The following VLDLR variants were observed in gnomAD, a reference collection of about 807,000 sequenced individuals.
VLDLR encodes the protein very low density lipoprotein receptor, also known as very low-density lipoprotein receptor.
In VLDLR, 81 loss-of-function variants were observed where a neutral mutation model predicts 112.7. That is an observed-to-expected ratio of 0.72 (90% CI 0.60 to 0.86). VLDLR has a LOEUF of 0.86. Ranked by LOEUF, VLDLR falls within the 40% of genes least tolerant of loss-of-function variation. The pLI, the probability that VLDLR is intolerant of heterozygous loss-of-function variation, is 0.00. For missense variants in VLDLR, 1,237 were observed against 1,099.4 expected (o/e 1.13, Z -1.77); for synonymous variants, 436 against 384.8 (o/e 1.13, Z -1.56).
intron 17 of VLDLR, 72 bp from the exon 18 acceptor site, chr9:2,652,708 G>C: frequency 6.3e-7 from 1 of 1,591,912 alleles, no homozygotes; most frequent in Admixed American, 1.7e-5. Flanking sequence ...ATGGATTCCT[G>C]AACGTTATTA....
intron 1 of VLDLR, among the ~76,000 whole-genome samples, chr9:2,624,820 G>A (rs763788150): frequency 2.0e-5 from 3 of 152,176 alleles, no homozygotes; most frequent in African/African-American, 2.4e-5. Flanking sequence ...CAGGGACTGC[G>A]TAAAGGAAGG....
At chr9:2,632,516 A>G (rs147126593) in intron 1 of VLDLR, among the ~76,000 whole-genome samples, 64 of 152,294 alleles carry the variant, frequency 4.2e-4, no homozygotes, top group Middle Eastern at 3.4e-3. Context: ...AAAGTATAAT[A>G]CTGAATTTGA....
rs1023079241 is a variant in VLDLR at position 2,655,095 on chromosome 9, T to C, written c.*1227T>C. ...TGGGGGCGAGGGCTGAAACCTGCTT[T>C]CATAAGCCCTTCAGGCGATACTGAT... On this transcript the variant is annotated 3_prime_UTR_variant, in exon 19 of 19. Coordinates refer to ENST00000382100, the MANE Select transcript of VLDLR (RefSeq NM_003383.5). 3.9e-5 allele frequency: 6 copies of C among 152,204 alleles called. No individual in the cohort carries two copies. Among genetic ancestry groups the C allele is most frequent in the African/African-American group, 7.2e-5 (3 of 41,442 alleles). 9.4% of individuals were successfully genotyped at this position (152,204 alleles called of 1,614,324 possible).
intron 2 of VLDLR, among the ~76,000 whole-genome samples, chr9:2,636,388 C>A (rs1817600674): frequency 6.6e-6 from 1 of 152,172 alleles, no homozygotes; most frequent in South Asian, 2.1e-4. Flanking sequence ...GTTCACTATA[C>A]AAGGTAGAAA....
chr9:2,631,384 C>T (rs1817343308), intron 1 of VLDLR, among the ~76,000 whole-genome samples: 2 of 152,256 alleles, frequency 1.3e-5, no homozygotes, highest in Admixed American at 1.3e-4. Context: ...CAGCACTATT[C>T]ACAGTAACAA....
intron 1 of VLDLR, among the ~76,000 whole-genome samples, chr9:2,632,046 G>A (rs532182033): frequency 8.5e-5 from 13 of 152,096 alleles, no homozygotes; most frequent in Non-Finnish European, 1.8e-4. Flanking sequence ...GACGCTCCAG[G>A]AATTCATTCA....
chr9:2,643,840 A>G lies in VLDLR; in HGVS notation c.947A>G (p.Asn316Ser), dbSNP rs768279118. ...TCTTCTTTGTTTCTCTTTGTAGTCA[A>G]TCAGTGCTTGGGCCCTGGAAAATTC... ...GSDEVNCKNV[N>S]QCLGPGKFKC... Residue 316 changes from asparagine (N) to serine (S), a missense_variant, in exon 7 of 19, where the codon AAT becomes AGT. Coordinates refer to ENST00000382100, the MANE Select transcript of VLDLR (RefSeq NM_003383.5). 68 of 1,614,088 alleles carry G rather than the reference A, an allele frequency of 4.2e-5. 1 individual carries two copies. The Admixed American group carries it at 8.7e-4, about 21-fold the overall frequency.
At chr9:2,633,707 T>C (rs1368913526) in intron 1 of VLDLR, among the ~76,000 whole-genome samples, 1 of 152,182 alleles carries the variant, frequency 6.6e-6, no homozygotes, top group African/African-American at 2.4e-5. Context: ...GTTCTCAGAC[T>C]ACAAATCATT....
At position 2,644,737 on chromosome 9, in the gene VLDLR, T is replaced by C; in HGVS notation, c.1070T>C (p.Ile357Thr). Residue 357 changes from isoleucine (I) to threonine (T), a missense_variant, in exon 8 of 19, where the codon ATA becomes ACA. Coordinates refer to ENST00000382100, the MANE Select transcript of VLDLR (RefSeq NM_003383.5). ...GACTACTACATTTTTATTCCAGATA[T>C]AAACGAATGCTTGGTAAATAATGGT... Reference protein sequence around the residue: ...WSDEPLKECHINECLVNNGGC... With the variant: ...WSDEPLKECHTNECLVNNGGC... 6.2e-7 allele frequency: 1 copy of C among 1,614,154 alleles called. No individual in the cohort carries two copies. Among genetic ancestry groups the C allele is most frequent in the Non-Finnish European group, 8.5e-7 (1 of 1,180,034 alleles).
At position 2,630,162 on chromosome 9, in the gene VLDLR, T is replaced by G. The variant is rs936380424; in HGVS notation, c.83-5291T>G. Among the ~76,000 whole-genome samples the G allele has an allele frequency of 5.9e-5, 9 of 152,256 alleles. No homozygotes were observed. In the East Asian group the frequency reaches 1.7e-3, roughly 30 times the overall value. On this transcript the variant is annotated intron_variant, in intron 1 of 18. Transcript: ENST00000382100. ...GAGCACAATCTTTGTGCTTGACAGC[T>G]CAGAACATTTCCCTTAACACCTGTT...
At position 2,643,251 on chromosome 9, in the gene VLDLR, C is replaced by T. The variant is rs367872112; in HGVS notation, c.540C>T (p.Ser180=). The T allele has an allele frequency of 9.7e-5, 157 of 1,613,942 alleles. 2 individuals carry two copies. The highest frequency in any genetic ancestry group is 3.3e-4 in the Middle Eastern group (2 of 6,084). The part of the protein sequence containing the change: ...NFVCNGQDDC[S]DGSDELDCAP... ...TATGCAATGGCCAGGATGACTGCAG[C>T]GATGGCAGTGATGAGCTGGACTGTG... Residue 180 remains serine (S), a synonymous_variant, in exon 5 of 19, where the codon AGC becomes AGT. Coordinates refer to ENST00000382100, the MANE Select transcript of VLDLR (RefSeq NM_003383.5).
In VLDLR at chr9:2,643,969, CTTG is replaced by C. The variant is rs759336438; in HGVS notation, c.1066+16_1066+18del. 96 of 1,613,696 alleles carry C rather than the reference CTTG, an allele frequency of 5.9e-5. No individual in the cohort carries two copies. Among genetic ancestry groups the C allele is most frequent in the Non-Finnish European group, 7.7e-5 (91 of 1,179,970 alleles). On this transcript the variant is annotated intron_variant, in intron 7 of 18. Coordinates refer to ENST00000382100, the MANE Select transcript of VLDLR (RefSeq NM_003383.5). ...CCCCTGAAAGAGTGTCGTAAGTGTA[CTTG>C]TTGTTCAAGTACAGATCCTGGAAGT...
rs759165151 is a variant in VLDLR at position 2,647,535 on chromosome 9, T to C, written c.1765T>C (p.Phe589Leu). Residue 589 changes from phenylalanine (F) to leucine (L), a missense_variant, in exon 12 of 19, where the codon TTC becomes CTC. Coordinates refer to ENST00000382100, the MANE Select transcript of VLDLR (RefSeq NM_003383.5). ...AATAGAAAAAGCAGGAATGAATGGA[T>C]TCGATAGACGTCCACTGGTGACAGC... ...AKIEKAGMNGFDRRPLVTADI... is the reference protein window; with the variant it reads ...AKIEKAGMNGLDRRPLVTADI... 1 of 1,614,186 alleles carries C rather than the reference T, an allele frequency of 6.2e-7. No homozygotes were observed. Among genetic ancestry groups the C allele is most frequent in the Non-Finnish European group, 8.5e-7 (1 of 1,180,020 alleles).
chr9:2,629,598 T>G (rs2130766149), intron 1 of VLDLR, among the ~76,000 whole-genome samples: 1 of 152,356 alleles, frequency 6.6e-6, no homozygotes, highest in South Asian at 2.1e-4. Flanking sequence ...CTAAGAGATG[T>G]GAAGTCTTAG....
Position 2,646,511 on chromosome 9 carries a change from C to T in VLDLR, c.1662C>T (p.Asp554=), listed in dbSNP as rs549314438. The T allele has an allele frequency of 2.5e-6, 4 of 1,614,144 alleles. No homozygotes were observed. The highest frequency in any genetic ancestry group is 4.5e-5 in the East Asian group (2 of 44,886). The change falls in exon 11 of 19, where the codon GAC becomes GAT. Residue 554 remains aspartate (D), a synonymous_variant. Coordinates refer to ENST00000382100, the MANE Select transcript of VLDLR (RefSeq NM_003383.5). ...GTKRKFLFNS[D]LREPASIAVD... is the part of the protein sequence containing the mutation. The stretch of plus-strand genomic sequence containing the variant: ...AGAGGAAGTTCCTGTTTAACTCTGA[C>T]TTGCGAGAGCCTGCCTCCATAGCTG...
intron 1 of VLDLR, among the ~76,000 whole-genome samples, chr9:2,630,190 G>A (rs889609974): frequency 6.6e-6 from 1 of 152,030 alleles, no homozygotes; most frequent in Non-Finnish European, 1.5e-5. Context: ...CACCTGTTGT[G>A]GTACTTTGCC....
Position 2,637,183 on chromosome 9 carries a change from C to G in VLDLR, c.202+1611C>G, listed in dbSNP as rs149863637. 4.4e-3 allele frequency among the ~76,000 whole-genome samples: 672 copies of G among 152,326 alleles called. 3 individuals are homozygous for G. The highest frequency in any genetic ancestry group is 6.8e-3 in the Middle Eastern group (2 of 294). ...CAATCAGGGAAGGTCTGAGTGCTTA[C>G]TTTGTTTCTCTATGGAAGAGGAAAG... On this transcript the variant is annotated intron_variant, in intron 2 of 18. Coordinates refer to ENST00000382100, the MANE Select transcript of VLDLR (RefSeq NM_003383.5).
chr9:2,622,377 T>TC, intron 1 of VLDLR, 106 bp downstream of exon 1: 1 of 1,020,648 alleles, frequency 9.8e-7, no homozygotes, highest in Non-Finnish European at 1.3e-6. Flanking sequence ...AGGAGGCGCC[T>TC]CTCGGTTCTC....
chr9:2,651,587 C>G (rs903996048), intron 16 of VLDLR, 89 bp downstream of exon 16: 4 of 1,221,712 alleles, frequency 3.3e-6, no homozygotes, highest in Non-Finnish European at 4.7e-6. Flanking sequence ...CAGCCTTTAA[C>G]TACTATTTCT....
Sources: allele counts gnomAD v4.1 joint callset (sites outside exome capture counted in the v4.1 genomes callset), GRCh38; gene constraint gnomAD v4.1.1; transcripts MANE v1.5; gene names NCBI Gene and HGNC (gene_info 2026-07-23, HGNC 2026-07-21).